DOK6: variants seen among roughly 807,000 people sequenced by gnomAD.
The protein encoded by DOK6 is downstream of tyrosine kinase 6.
DOK6 carries 22 observed loss-of-function variants against 44.0 expected under a neutral mutation model. The ratio of observed to expected loss-of-function variants is 0.50; its 90% CI spans 0.36 to 0.71. The LOEUF (loss-of-function observed/expected upper bound fraction) is 0.71, where lower values mean the gene tolerates loss of function less well. DOK6 is among the 30% of genes least tolerant of loss of function. The pLI, the probability that DOK6 is intolerant of heterozygous loss-of-function variation, is 0.00. For synonymous variants in DOK6, 166 were observed against 145.5 expected, an observed-to-expected ratio of 1.14 and a Z score of -1.01; for missense variants, 340 against 416.4, an observed-to-expected ratio of 0.82 and a Z score of 1.60.
intron 1 of DOK6, among the ~76,000 whole-genome samples, chr18:69,542,081 C>A (rs1982283843): frequency 6.6e-6 from 1 of 151,360 alleles, no homozygotes; most frequent in South Asian, 2.1e-4. Context: ...GGGATTTAGG[C>A]AGTTAGAATT....
At chr18:69,499,197 G>A (rs1007204939) in intron 1 of DOK6, among the ~76,000 whole-genome samples, 6 of 151,610 alleles carry the variant, frequency 4.0e-5, no homozygotes, top group African/African-American at 1.5e-4. Context: ...ATGCTTAAGG[G>A]TATATATATA....
At chr18:69,822,228 A>G (rs975238845) in intron 7 of DOK6, among the ~76,000 whole-genome samples, 1 of 152,152 alleles carries the variant, frequency 6.6e-6, no homozygotes, top group Non-Finnish European at 1.5e-5. Flanking sequence ...TTAGCGTGGG[A>G]ATTGTTAAAT....
intron 1 of DOK6, among the ~76,000 whole-genome samples, chr18:69,551,637 A>G (rs1982568685): frequency 6.6e-6 from 1 of 152,244 alleles, no homozygotes; most frequent in African/African-American, 2.4e-5. Context: ...AAACACATAT[A>G]TAGATTAGAA....
intron 7 of DOK6, among the ~76,000 whole-genome samples, chr18:69,782,719 G>A (rs150269755): frequency 0.044 from 6,690 of 151,934 alleles, 174 homozygotes; most frequent in Middle Eastern, 0.085. Flanking sequence ...AGCTGAGATC[G>A]CACCACTGCA....
chr18:69,669,281 G>T (rs73465968), intron 3 of DOK6, among the ~76,000 whole-genome samples: 1 of 152,068 alleles, frequency 6.6e-6, no homozygotes, highest in Non-Finnish European at 1.5e-5. Context: ...AGGCCCTGGC[G>T]TCTCTTGTTC....
At chr18:69,401,369 T>C in intron 1 of DOK6, 59 bp downstream of exon 1, 3 of 1,251,640 alleles carry the variant, frequency 2.4e-6, no homozygotes, top group East Asian at 7.9e-5. Flanking sequence ...GCTGGCTGCC[T>C]GGGGGGGGGG....
At chr18:69,488,741 C>T (rs1980654158) in intron 1 of DOK6, among the ~76,000 whole-genome samples, 1 of 152,072 alleles carries the variant, frequency 6.6e-6, no homozygotes, top group Admixed American at 6.5e-5. Flanking sequence ...CAATTACCTC[C>T]TACCGGGTCC....
At position 69,580,676 on chromosome 18, in the gene DOK6, G is replaced by C. The variant is rs200555871; in HGVS notation, c.174+16082G>C. On this transcript the variant is annotated intron_variant, in intron 2 of 7. Coordinates refer to ENST00000382713, the MANE Select transcript of DOK6 (RefSeq NM_152721.6). ...TCACCTCAAACATTTATTTTTCTTT[G>C]TGTTGAGAATGTTAATCATCTGTCC... Among the ~76,000 whole-genome samples, 4 of 151,882 alleles carry C rather than the reference G, an allele frequency of 2.6e-5. No homozygotes were observed. The East Asian group carries it at 7.7e-4, about 29-fold the overall frequency.
Position 69,599,494 on chromosome 18 carries a change from G to C in DOK6, c.285G>C (p.Glu95Asp). The change falls in exon 3 of 8, where the codon GAG (glutamate) becomes GAC (aspartate). Residue 95 changes from glutamate (E) to aspartate (D), a missense_variant. Coordinates refer to ENST00000382713, the MANE Select transcript of DOK6 (RefSeq NM_152721.6). ...AAACATCGAAGACATTTGCCTGTGA[G>C]TCAGGTAAGCTATTATTGGCCATCT... ...HDETSKTFAC[E>D]SELEAEEWCK... 1 of 1,613,392 alleles carries C rather than the reference G, an allele frequency of 6.2e-7. No homozygotes were observed. The highest frequency in any genetic ancestry group is 8.5e-7 in the Non-Finnish European group (1 of 1,179,642).
At chr18:69,735,303 C>G (rs538639336) in intron 5 of DOK6, among the ~76,000 whole-genome samples, 35 of 152,360 alleles carry the variant, frequency 2.3e-4, no homozygotes, top group African/African-American at 7.9e-4. Flanking sequence ...GACTCCTTAG[C>G]ACATGCTGTC....
intron 3 of DOK6, among the ~76,000 whole-genome samples, chr18:69,657,536 A>G (rs1667833708): frequency 1.3e-5 from 2 of 152,226 alleles, no homozygotes; most frequent in Non-Finnish European, 1.5e-5. Context: ...AGCATAATCT[A>G]AGTAAAAGTT....
chr18:69,691,214 A>G (rs1056117042), intron 4 of DOK6, among the ~76,000 whole-genome samples: 1 of 151,052 alleles, frequency 6.6e-6, no homozygotes, highest in Non-Finnish European at 1.5e-5. Context: ...TAAATAAATA[A>G]ATAAATAAAT....
At chr18:69,775,093 G>T (rs545887651) in intron 7 of DOK6, among the ~76,000 whole-genome samples, 3 of 151,326 alleles carry the variant, frequency 2.0e-5, no homozygotes, top group African/African-American at 7.3e-5. Flanking sequence ...AACCATTCAA[G>T]AAATGAGGCC....
At chr18:69,429,620 C>CATATATATATATATATATAT (rs143819043) in intron 1 of DOK6, among the ~76,000 whole-genome samples, 1 of 105,956 alleles carries the variant, frequency 9.4e-6, no homozygotes, top group African/African-American at 3.3e-5. Context: ...TTGAGGGATA[C>CATATATATATATATATATAT]ATATATATAT....
intron 6 of DOK6, among the ~76,000 whole-genome samples, chr18:69,745,386 C>T (rs949055214): frequency 6.6e-6 from 1 of 152,180 alleles, no homozygotes; most frequent in Non-Finnish European, 1.5e-5. Flanking sequence ...ATCAAAATGA[C>T]CCAACATACA....
In DOK6 at chr18:69,599,497, A is replaced by G. The variant is rs756541388; in HGVS notation, c.288A>G (p.Ser96=). 3.7e-6 allele frequency: 6 copies of G among 1,612,838 alleles called. No homozygotes were observed. Among genetic ancestry groups the G allele is most frequent in the Non-Finnish European group, 5.1e-6 (6 of 1,179,458 alleles). The part of the protein sequence containing the change: ...DETSKTFACE[S]ELEAEEWCKH... ...CATCGAAGACATTTGCCTGTGAGTC[A>G]GGTAAGCTATTATTGGCCATCTACC... The change falls in exon 3 of 8, where the codon TCA becomes TCG. Residue 96 remains serine (S), a splice_region_variant and synonymous_variant. Transcript: ENST00000382713.
chr18:69,776,385 A>G (rs1980063280), intron 7 of DOK6, among the ~76,000 whole-genome samples: 1 of 152,050 alleles, frequency 6.6e-6, no homozygotes, highest in African/African-American at 2.4e-5. Context: ...TACTTTTAAA[A>G]TTAAGAACAC....
Position 69,844,275 on chromosome 18 carries a change from T to TTGAATTCCATTCAGATTTGTAC in DOK6, c.*2893_*2914dup, listed in dbSNP as rs1370806426. On this transcript the variant is annotated 3_prime_UTR_variant, in exon 8 of 8. Coordinates refer to ENST00000382713, the MANE Select transcript of DOK6 (RefSeq NM_152721.6). The stretch of plus-strand genomic sequence containing the variant: ...TGGCTCCTTCTGAAAGTGACTCAGT[T>TTGAATTCCATTCAGATTTGTAC]TGAATTCCATTCAGATTTGTACAGA... 6 of 152,216 alleles carry TTGAATTCCATTCAGATTTGTAC rather than the reference T, an allele frequency of 3.9e-5. No individual in the cohort carries two copies. Among genetic ancestry groups the TTGAATTCCATTCAGATTTGTAC allele is most frequent in the African/African-American group, 1.4e-4 (6 of 41,454 alleles). The allele number at this position is 152,216 out of a possible 1,614,324, so 9.4% of individuals were successfully genotyped here.
chr18:69,602,151 G>C (rs1326665019), intron 3 of DOK6, among the ~76,000 whole-genome samples: 1 of 152,114 alleles, frequency 6.6e-6, no homozygotes, highest in Non-Finnish European at 1.5e-5. Context: ...TCCTCCCTAG[G>C]AGAATAGGAT....
Sources: gnomAD v4.1 joint callset for allele counts (sites outside exome capture counted in the v4.1 genomes callset) on GRCh38, gnomAD v4.1.1 for gene constraint, MANE v1.5 for transcripts, NCBI Gene and HGNC (gene_info 2026-07-23, HGNC 2026-07-21) for gene names.